The following MITD1 variants were observed in gnomAD, a reference collection of about 807,000 sequenced individuals.
MITD1 encodes the protein MIT domain-containing protein 1.
Under a neutral mutation model 34.9 loss-of-function variants are expected in MITD1, and 24 were observed. The ratio of observed to expected loss-of-function variants is 0.69; its 90% CI spans 0.50 to 0.97. The LOEUF (loss-of-function observed/expected upper bound fraction) is 0.97, where lower values mean the gene tolerates loss of function less well. MITD1 is among the 50% of genes least tolerant of loss of function. The pLI, the probability that MITD1 is intolerant of heterozygous loss-of-function variation, is 0.00. For synonymous variants in MITD1, 102 were observed against 101.4 expected (o/e 1.01, Z -0.04); for missense variants, 266 against 294.6 (o/e 0.90, Z 0.71).
chr2:99,174,630 G>A (rs563263250), intron 1 of MITD1, among the ~76,000 whole-genome samples: 23 of 152,044 alleles, frequency 1.5e-4, no homozygotes, highest in South Asian at 6.2e-4. Context: ...TCGCTCTGTC[G>A]CCCAGGCTGG....
At chr2:99,168,226 C>A (rs575278602), downstream of MITD1, among the ~76,000 whole-genome samples, 81 of 152,302 alleles carry the variant, frequency 5.3e-4, no homozygotes, top group African/African-American at 1.9e-3. Flanking sequence ...ACCGCAGCCT[C>A]CACCTCCAGG....
At chr2:99,169,233 G>T (rs1323312803), downstream of MITD1, 1 of 527,132 alleles carries the variant, frequency 1.9e-6, no homozygotes, top group Non-Finnish European at 3.3e-6. Context: ...ATTTAGGATT[G>T]TTCCCACAAC....
exon 8 of MITD1, chr2:99,162,102 G>A: frequency 6.2e-7 from 1 of 1,614,068 alleles, no homozygotes; most frequent in Non-Finnish European, 8.5e-7. Context: ...GGCTGTGGAA[G>A]ACTGGATCCA....
chr2:99,166,352 G>A (rs900841338), downstream of MITD1, among the ~76,000 whole-genome samples: 10 of 151,968 alleles, frequency 6.6e-5, no homozygotes, highest in Admixed American at 6.6e-4. Flanking sequence ...CACATAGTAC[G>A]AGAGTTTAAA....
Position 99,180,909 on chromosome 2 carries a change from G to T in MITD1, c.73C>A (p.Leu25Ile). The change falls in exon 1 of 7, where the codon CTA (leucine) becomes ATA (isoleucine). Residue 25 changes from leucine to isoleucine, a missense_variant. Physicochemically the swap from Leu to Ile is conservative, Grantham distance 5 (BLOSUM62 2). Coordinates refer to ENST00000289359, the MANE Select transcript of MITD1 (RefSeq NM_138798.3). ...TGCGGATACCGCGACTCCGAATCTA[G>T]TTCTACTGCCCGCTTTAGCACAGTG... ...AATVLKRAVELDSESRYPQAL... is the reference protein window; with the variant it reads ...AATVLKRAVEIDSESRYPQAL... 6.2e-7 allele frequency: 1 copy of T among 1,614,208 alleles called. No homozygotes were observed. The highest frequency in any genetic ancestry group is 8.5e-7 in the Non-Finnish European group (1 of 1,180,030).
At chr2:99,164,588 A>G (rs2105205886), downstream of MITD1, among the ~76,000 whole-genome samples, 1 of 152,218 alleles carries the variant, frequency 6.6e-6, no homozygotes, top group South Asian at 2.1e-4. Flanking sequence ...GGTTTTGCCT[A>G]CAATTGATTA....
intron 1 of MITD1, among the ~76,000 whole-genome samples, chr2:99,174,978 G>A (rs898023004): frequency 7.2e-5 from 11 of 152,064 alleles, no homozygotes; most frequent in East Asian, 3.9e-4. Flanking sequence ...CGCCCACCTC[G>A]GCCTCCCAAA....
chr2:99,164,945 G>T (rs2093819724), downstream of MITD1, among the ~76,000 whole-genome samples: 1 of 150,984 alleles, frequency 6.6e-6, no homozygotes, highest in Non-Finnish European at 1.5e-5. Context: ...TGGACTCAAG[G>T]TATGTTTTGC....
At chr2:99,169,805 G>A (rs540363378) in intron 5 of MITD1, among the ~76,000 whole-genome samples, 195 bp from the exon 6 acceptor site, 1 of 152,260 alleles carries the variant, frequency 6.6e-6, no homozygotes, top group East Asian at 1.9e-4. Context: ...ACAATCAGTT[G>A]ATTTAATTAT....
In MITD1 at chr2:99,171,592, T is replaced by C. The variant is rs1240209557; in HGVS notation, c.308A>G (p.Tyr103Cys). ...KIEENATGFSYESLFREYLNE... is the reference protein window; with the variant it reads ...KIEENATGFSCESLFREYLNE... ...AAGGTATTCGCGAAAAAGTGACTCA[T>C]AACTGAAACCTGTTGCATTCTCTTC... Residue 103 changes from tyrosine (Y) to cysteine (C), a missense_variant, in exon 3 of 7, where the codon TAT becomes TGT. Physicochemically the swap from Tyr to Cys is radical, Grantham distance 194. Transcript: ENST00000289359. 1 of 1,613,482 alleles carries C rather than the reference T, an allele frequency of 6.2e-7. No homozygotes were observed. Among genetic ancestry groups the C allele is most frequent in the South Asian group, 1.1e-5 (1 of 91,044 alleles).
At chr2:99,178,076 T>C (rs187137251) in intron 1 of MITD1, among the ~76,000 whole-genome samples, 1 of 152,376 alleles carries the variant, frequency 6.6e-6, no homozygotes, top group East Asian at 1.9e-4. Context: ...CATATTTTCT[T>C]TATTCATCTG....
At chr2:99,168,299 G>A (rs139896695), downstream of MITD1, among the ~76,000 whole-genome samples, 163 of 152,178 alleles carry the variant, frequency 1.1e-3, 2 homozygotes, top group East Asian at 0.022. Context: ...GCGCCACCAC[G>A]GCTGGCTAAT....
downstream of MITD1, among the ~76,000 whole-genome samples, chr2:99,168,423 G>A (rs2093836812): frequency 6.6e-6 from 1 of 152,218 alleles, no homozygotes; most frequent in African/African-American, 2.4e-5. Flanking sequence ...TTACAGGCGT[G>A]AGCCACTGTG....
downstream of MITD1, among the ~76,000 whole-genome samples, chr2:99,168,354 T>C (rs2093836544): frequency 6.6e-6 from 1 of 152,232 alleles, no homozygotes; most frequent in Non-Finnish European, 1.5e-5. Flanking sequence ...TTGGCCACGC[T>C]GGTCTCAAAC....
chr2:99,174,094 A>G, intron 1 of MITD1, 78 bp from the exon 2 acceptor site: 1 of 799,270 alleles, frequency 1.3e-6, no homozygotes, highest in African/African-American at 1.8e-5. Context: ...TCAGTTTCTC[A>G]AGTTTTCTAC....
chr2:99,179,369 C>T (rs2093903083), intron 1 of MITD1, among the ~76,000 whole-genome samples: 1 of 151,822 alleles, frequency 6.6e-6, no homozygotes, highest in South Asian at 2.1e-4. Context: ...GCGAACAATA[C>T]TTTTTATGCT....
chr2:99,169,864 T>C (rs1427715408), intron 5 of MITD1, among the ~76,000 whole-genome samples: 1 of 152,208 alleles, frequency 6.6e-6, no homozygotes, highest in Non-Finnish European at 1.5e-5. Flanking sequence ...CTTTTTCGTG[T>C]TCTGCTAACA....
downstream of MITD1, among the ~76,000 whole-genome samples, chr2:99,168,946 A>ATTTTTTTTTT (rs1175310553): frequency 4.1e-5 from 2 of 49,310 alleles, no homozygotes; most frequent in Non-Finnish European, 8.2e-5. Flanking sequence ...TGCCCGGCTA[A>ATTTTTTTTTT]TTTTTTTTTT....
At chr2:99,161,912 T>A, downstream of MITD1, 2 of 1,450,442 alleles carry the variant, frequency 1.4e-6, no homozygotes, top group Non-Finnish European at 1.9e-6. Context: ...AATTTAATGT[T>A]CCTTTTCTCG....
Sources: allele counts gnomAD v4.1 joint callset (sites outside exome capture counted in the v4.1 genomes callset), GRCh38; gene constraint gnomAD v4.1.1; transcripts MANE v1.5; gene names NCBI Gene and HGNC (gene_info 2026-07-23, HGNC 2026-07-21).